Variants in LRIF1 observed in about 807,000 individuals in gnomAD.
LRIF1 encodes ligand-dependent nuclear receptor-interacting factor 1.
Under a neutral mutation model 52.7 loss-of-function variants are expected in LRIF1, and 32 were observed. The ratio of observed to expected loss-of-function variants is 0.61; its 90% CI spans 0.46 to 0.82. LRIF1 has a LOEUF of 0.82. Among genes scored for constraint, LRIF1 ranks in the 40% least tolerant of loss-of-function variants. LRIF1 has a pLI of 0.00. For synonymous variants in LRIF1, 323 were observed against 317.4 expected, an observed-to-expected ratio of 1.02 and a Z score of -0.19; for missense variants, 887 against 892.0, an observed-to-expected ratio of 0.99 and a Z score of 0.07.
the LRIF1 span, among the ~76,000 whole-genome samples, chr1:110,886,869 A>ATATATATATATATATATATATATATTT: frequency 9.7e-5 from 8 of 82,782 alleles, no homozygotes; most frequent in African/African-American, 3.2e-4. Flanking sequence ...ATATATATAT[A>ATATATATATATATATATATATATATTT]TTTTTTTTTT....
chr1:110,905,325 C>T, the LRIF1 span, among the ~76,000 whole-genome samples: 1 of 151,982 alleles, frequency 6.6e-6, no homozygotes, highest in African/African-American at 2.4e-5. Flanking sequence ...AGAAGACTAC[C>T]TCAAGGCATT....
rs1553209620 is a variant in LRIF1, at chr1:110,947,278, CAAAAA to C, written c.*676_*680del. The C allele has an allele frequency of 4.3e-5, 6 of 138,720 alleles. No individual in the cohort carries two copies. Among genetic ancestry groups the C allele is most frequent in the African/African-American group, 1.3e-4 (5 of 38,186 alleles). The allele number at this position is 138,720 out of a possible 1,614,324, so 8.6% of individuals were successfully genotyped here. ...TCTCAGTAACGTATGTACATAGTCC[CAAAAA>C]AAAAAAAAGCAGCATTTGCCTGGGA... On this transcript the variant is annotated 3_prime_UTR_variant, in exon 4 of 4. Transcript: ENST00000369763.
chr1:110,959,783 A>C (rs1230352780), intron 1 of LRIF1, among the ~76,000 whole-genome samples: 2 of 151,674 alleles, frequency 1.3e-5, no homozygotes, highest in African/African-American at 4.8e-5. Context: ...ATAAAAAGGC[A>C]CATTAAACAT....
At chr1:110,958,879 T>G (rs2101121110) in intron 1 of LRIF1, among the ~76,000 whole-genome samples, 1 of 152,338 alleles carries the variant, frequency 6.6e-6, no homozygotes, top group South Asian at 2.1e-4. Context: ...CCATGATTTC[T>G]TGGCAACAAA....
At chr1:110,914,908 T>C in the LRIF1 span, among the ~76,000 whole-genome samples, 1 of 152,200 alleles carries the variant, frequency 6.6e-6, no homozygotes, top group East Asian at 1.9e-4. Context: ...TGTCATTACA[T>C]AGTAGAATTG....
the LRIF1 span, among the ~76,000 whole-genome samples, chr1:110,876,623 A>G: frequency 1.3e-5 from 2 of 152,076 alleles, no homozygotes; most frequent in African/African-American, 4.8e-5. Context: ...ACCTTATATC[A>G]GGAGCAAATA....
In LRIF1 at chr1:110,951,925, G is replaced by A; in HGVS notation, c.959C>T (p.Thr320Ile). 6.2e-7 allele frequency: 1 copy of A among 1,614,006 alleles called. No homozygotes were observed. The highest frequency in any genetic ancestry group is 8.5e-7 in the Non-Finnish European group (1 of 1,179,990). ...TCCCAAATTTTTCCTATCTACAAAA[G>A]TTTTTAAAATCTTTGAAGCCACATT... The part of the protein sequence containing the change: ...SNNVASKILK[T>I]FVDRKNLGDN... The change falls in exon 2 of 4, where the codon ACT (threonine) becomes ATT (isoleucine). Residue 320 changes from threonine (T) to isoleucine (I), a missense_variant. By Grantham distance (89) the Thr-to-Ile change is moderately conservative (BLOSUM62 -1). Transcript: ENST00000369763.
At chr1:110,888,846 A>G in the LRIF1 span, among the ~76,000 whole-genome samples, 1 of 152,212 alleles carries the variant, frequency 6.6e-6, no homozygotes, top group Non-Finnish European at 1.5e-5. Context: ...GCTCTAGGGT[A>G]CAGTGAATCA....
chr1:110,920,694 C>T, the LRIF1 span, among the ~76,000 whole-genome samples: 7 of 152,202 alleles, frequency 4.6e-5, no homozygotes, highest in East Asian at 3.9e-4. Context: ...GGGGTGATAA[C>T]GATGTGTTAG....
chr1:110,901,112 G>T, the LRIF1 span, among the ~76,000 whole-genome samples: 1 of 151,928 alleles, frequency 6.6e-6, no homozygotes, highest in Non-Finnish European at 1.5e-5. Context: ...GCATTTTCCT[G>T]AGACAAAGAA....
the LRIF1 span, among the ~76,000 whole-genome samples, chr1:110,920,747 G>A: frequency 6.6e-6 from 1 of 152,186 alleles, no homozygotes; most frequent in Non-Finnish European, 1.5e-5. Context: ...TATGATGGGG[G>A]CTGTCGATAG....
chr1:110,940,364 C>T, the LRIF1 span: 7 of 152,142 alleles, frequency 4.6e-5, no homozygotes, highest in Admixed American at 3.3e-4. Flanking sequence ...AAAGGGAACT[C>T]TCCTACACTG....
chr1:110,950,821 G>C (rs753173448), intron 2 of LRIF1, among the ~76,000 whole-genome samples: 1 of 151,182 alleles, frequency 6.6e-6, no homozygotes, highest in Non-Finnish European at 1.5e-5. Flanking sequence ...CTTTTCCATG[G>C]TATACCACCA....
the LRIF1 span, chr1:110,895,073 C>T: frequency 1.9e-6 from 3 of 1,559,710 alleles, no homozygotes; most frequent in South Asian, 3.3e-5. Context: ...CAGGTGGAAT[C>T]CTCTTCAGAT....
At chr1:110,891,557 G>C in the LRIF1 span, 5 of 910,318 alleles carry the variant, frequency 5.5e-6, no homozygotes, top group East Asian at 1.2e-4. Context: ...GCTGGTGTGG[G>C]GTAAAATGCA....
At chr1:110,923,219 C>T in the LRIF1 span, among the ~76,000 whole-genome samples, 4 of 152,030 alleles carry the variant, frequency 2.6e-5, no homozygotes, top group Non-Finnish European at 5.9e-5. Context: ...AGAATCTCTT[C>T]AACCCGGGAG....
the LRIF1 span, among the ~76,000 whole-genome samples, chr1:110,912,304 T>TG: frequency 6.6e-6 from 1 of 152,084 alleles, no homozygotes; most frequent in Non-Finnish European, 1.5e-5. Flanking sequence ...CTCCACCTAC[T>TG]GGGTTCAAGC....
chr1:110,897,926 T>G, the LRIF1 span: 2 of 1,233,460 alleles, frequency 1.6e-6, no homozygotes, highest in Admixed American at 1.8e-5. Context: ...TTGTGAGGAT[T>G]ACATGAGTTA....
chr1:110,876,279 C>T, the LRIF1 span, among the ~76,000 whole-genome samples: 3 of 152,254 alleles, frequency 2.0e-5, no homozygotes, highest in East Asian at 5.8e-4. Flanking sequence ...ATGGCATGCT[C>T]TTTCTTCTAC....
Sources: gnomAD v4.1 joint callset for allele counts (sites outside exome capture counted in the v4.1 genomes callset) on GRCh38, gnomAD v4.1.1 for gene constraint, MANE v1.5 for transcripts, NCBI Gene and HGNC (gene_info 2026-07-23, HGNC 2026-07-21) for gene names.